Variants in ENOX1 observed in about 807,000 individuals in gnomAD.
The protein encoded by ENOX1 is ecto-NOX disulfide-thiol exchanger 1.
In ENOX1, 42 loss-of-function variants were observed where a neutral mutation model predicts 82.5. The observed-to-expected ratio is 0.51, with a 90% CI of 0.40 to 0.66. The LOEUF is 0.66. Among genes scored for constraint, ENOX1 ranks in the 30% least tolerant of loss-of-function variants. The pLI is 0.00. For missense variants in ENOX1, 608 were observed against 811.6 expected (o/e 0.75, Z 3.05); for synonymous variants, 271 against 282.2 (o/e 0.96, Z 0.40).
intron 1 of ENOX1, among the ~76,000 whole-genome samples, chr13:43,746,323 A>C (rs188644761): frequency 4.9e-4 from 75 of 152,210 alleles, no homozygotes; most frequent in African/African-American, 1.7e-3. Flanking sequence ...TTAGAAAAAA[A>C]CTTTAAAGAA....
intron 2 of ENOX1, among the ~76,000 whole-genome samples, chr13:43,653,662 C>T (rs2084297753): frequency 6.6e-6 from 1 of 152,110 alleles, no homozygotes; most frequent in African/African-American, 2.4e-5. Context: ...ATTAACTCCC[C>T]ATATCCCCTG....
At chr13:43,747,275 T>C (rs887197951) in intron 1 of ENOX1, among the ~76,000 whole-genome samples, 3 of 152,194 alleles carry the variant, frequency 2.0e-5, no homozygotes, top group South Asian at 4.2e-4. Flanking sequence ...AATGAACCAA[T>C]GTGTTATGAT....
intron 9 of ENOX1, among the ~76,000 whole-genome samples, chr13:43,335,417 TA>T (rs2048641777): frequency 6.6e-6 from 1 of 152,176 alleles, no homozygotes. Context: ...AAAATCTTTG[TA>T]AAAATTTTTT....
In ENOX1 at chr13:43,238,244, A is replaced by C. The variant is rs139158806; in HGVS notation, c.1612-1506T>G. Among the ~76,000 whole-genome samples, 469 of 152,348 alleles carry C rather than the reference A, an allele frequency of 3.1e-3. 3 individuals carry two copies. The highest frequency in any genetic ancestry group is 4.1e-3 in the Non-Finnish European group (280 of 68,024). On this transcript the variant is annotated intron_variant, in intron 14 of 16. Coordinates refer to ENST00000690772, the MANE Select transcript of ENOX1 (RefSeq NM_001347969.2). ...GAGATGAAAGATGCTCTTACAAATC[A>C]AAAACAGGATCTTGGGAGCAAGCCT...
chr13:43,550,036 A>G (rs1347457332), intron 2 of ENOX1, among the ~76,000 whole-genome samples: 1 of 152,002 alleles, frequency 6.6e-6, no homozygotes, highest in East Asian at 1.9e-4. Flanking sequence ...TCAGAATCTC[A>G]TAAGGAGTGT....
intron 1 of ENOX1, among the ~76,000 whole-genome samples, chr13:43,693,069 A>AATTT (rs2086452078): frequency 2.0e-5 from 3 of 152,266 alleles, no homozygotes; most frequent in African/African-American, 7.2e-5. Flanking sequence ...TTTATAACAC[A>AATTT]GTTGTGTTTT....
chr13:43,450,665 C>T (rs1311985660), intron 3 of ENOX1, among the ~76,000 whole-genome samples: 1 of 152,080 alleles, frequency 6.6e-6, no homozygotes, highest in Non-Finnish European at 1.5e-5. Context: ...TATGCAGTAC[C>T]TGGCCCTGGA....
intron 12 of ENOX1, among the ~76,000 whole-genome samples, chr13:43,289,704 C>T (rs1401890728): frequency 6.6e-6 from 1 of 152,106 alleles, no homozygotes; most frequent in Non-Finnish European, 1.5e-5. Flanking sequence ...GCAATTGTAA[C>T]AAAACCAAAA....
In ENOX1 at chr13:43,361,460, G is replaced by A; in HGVS notation, c.209-8C>T. ...CTGGGACACAGATTGAGTCTGTAAA[G>A]TATACAAGATAACATTTTGACTGGA... On this transcript the variant is annotated splice_region_variant and splice_polypyrimidine_tract_variant and intron_variant, in intron 5 of 16. Transcript: ENST00000690772. 2 of 1,597,780 alleles carry A rather than the reference G, an allele frequency of 1.3e-6. No homozygotes were observed. The highest frequency in any genetic ancestry group is 1.7e-6 in the Non-Finnish European group (2 of 1,176,028).
At chr13:43,494,872 T>C (rs1015510214) in intron 2 of ENOX1, among the ~76,000 whole-genome samples, 1 of 151,854 alleles carries the variant, frequency 6.6e-6, no homozygotes, top group Admixed American at 6.6e-5. Context: ...GGAAGAAAAA[T>C]GCAGAGAAAA....
chr13:43,338,234 C>G (rs1245193346), intron 9 of ENOX1, among the ~76,000 whole-genome samples: 3 of 152,160 alleles, frequency 2.0e-5, no homozygotes. Context: ...ATAAACAGCT[C>G]CTGTACGAGC....
chr13:43,338,877 G>A (rs938466912), intron 9 of ENOX1, among the ~76,000 whole-genome samples: 11 of 151,896 alleles, frequency 7.2e-5, no homozygotes, highest in Admixed American at 1.3e-4. Flanking sequence ...AGTAGAGACG[G>A]GGTTTCACCG....
At chr13:43,715,009 T>A (rs1034337838) in intron 1 of ENOX1, among the ~76,000 whole-genome samples, 2 of 152,248 alleles carry the variant, frequency 1.3e-5, no homozygotes, top group African/African-American at 2.4e-5. Flanking sequence ...CTAGCCTTGA[T>A]GGTCGTTACA....
Position 43,360,969 on chromosome 13 carries a change from T to C in ENOX1, c.382+310A>G, listed in dbSNP as rs2050463676. Among the ~76,000 whole-genome samples, 4 of 152,232 alleles carry C rather than the reference T, an allele frequency of 2.6e-5. No homozygotes were observed. The South Asian group carries it at 6.2e-4, about 24-fold the overall frequency. On this transcript the variant is annotated intron_variant, in intron 6 of 16. Coordinates refer to ENST00000690772, the MANE Select transcript of ENOX1 (RefSeq NM_001347969.2). ...CCACATTTGTGAAGATGGATGGAAA[T>C]GCTCACATATTTCACACTGTGTTCT...
rs2050142092 is a variant in ENOX1 at position 43,356,158 on chromosome 13, A to G, written c.590-6T>C. ...CCCTAATCGCATCCTATAACCTGAAACCAATGGAAACTCTGGTCACACCAT... is the reference window on the plus strand; with the variant it reads ...CCCTAATCGCATCCTATAACCTGAAGCCAATGGAAACTCTGGTCACACCAT... On this transcript the variant is annotated splice_polypyrimidine_tract_variant and splice_region_variant and intron_variant, in intron 7 of 16. Coordinates refer to ENST00000690772, the MANE Select transcript of ENOX1 (RefSeq NM_001347969.2). 2 of 1,612,738 alleles carry G rather than the reference A, an allele frequency of 1.2e-6. No individual in the cohort carries two copies. The highest frequency in any genetic ancestry group is 2.7e-5 in the African/African-American group (2 of 74,822).
intron 2 of ENOX1, among the ~76,000 whole-genome samples, chr13:43,654,152 C>A (rs1297847996): frequency 6.6e-6 from 1 of 152,136 alleles, no homozygotes; most frequent in African/African-American, 2.4e-5. Flanking sequence ...CAGGAGGTTA[C>A]CCTTGATCAT....
chr13:43,405,935 T>C (rs1261437478), intron 5 of ENOX1, among the ~76,000 whole-genome samples: 1 of 152,220 alleles, frequency 6.6e-6, no homozygotes, highest in East Asian at 1.9e-4. Context: ...TCATGTTAAT[T>C]TGTTTTTGTG....
chr13:43,458,387 A>T (rs1185784737), intron 3 of ENOX1: 1 of 152,222 alleles, frequency 6.6e-6, no homozygotes, highest in African/African-American at 2.4e-5. Flanking sequence ...ATATGAGATG[A>T]TATTGAAACC....
chr13:43,510,206 T>A (rs1293019492), intron 2 of ENOX1, among the ~76,000 whole-genome samples: 4 of 152,060 alleles, frequency 2.6e-5, no homozygotes, highest in African/African-American at 9.7e-5. Context: ...CCATGTGAGA[T>A]TTTACAGGCC....
Sources: allele counts gnomAD v4.1 joint callset (sites outside exome capture counted in the v4.1 genomes callset), GRCh38; gene constraint gnomAD v4.1.1; transcripts MANE v1.5; gene names NCBI Gene and HGNC (gene_info 2026-07-23, HGNC 2026-07-21).